Variants in CDH18 observed in about 807,000 individuals in gnomAD.
CDH18 encodes the protein cadherin-18.
CDH18 carries 31 observed loss-of-function variants against 67.9 expected under a neutral mutation model. The ratio of observed to expected loss-of-function variants is 0.46; its 90% CI spans 0.34 to 0.62. CDH18 has a LOEUF of 0.62. Ranked by LOEUF, CDH18 falls within the 20% of genes least tolerant of loss-of-function variation. The probability of loss-of-function intolerance (pLI) is 0.01; values close to 1 mark genes in which losing one functional copy is unlikely to be tolerated. For missense variants in CDH18, 890 were observed against 975.5 expected (o/e 0.91, Z 1.17); for synonymous variants, 362 against 347.2 (o/e 1.04, Z -0.48).
chr5:20,501,078 C>T (rs1581115408), intron 1 of CDH18, among the ~76,000 whole-genome samples: 1 of 152,074 alleles, frequency 6.6e-6, no homozygotes, highest in East Asian at 1.9e-4. Flanking sequence ...TAAATGTGAG[C>T]ATGACATCAC....
intron 5 of CDH18, among the ~76,000 whole-genome samples, chr5:19,716,879 TAA>T (rs1380428341): frequency 1.3e-5 from 2 of 152,034 alleles, no homozygotes; most frequent in Non-Finnish European, 2.9e-5. Flanking sequence ...ATTCTTACAT[TAA>T]GATATGTAAA....
At chr5:19,762,348 C>CA (rs1418736224) in intron 3 of CDH18, among the ~76,000 whole-genome samples, 2 of 152,104 alleles carry the variant, frequency 1.3e-5, no homozygotes, top group East Asian at 3.9e-4. Context: ...CCTCATCTGT[C>CA]AAAGGGCTAA....
At chr5:19,751,949 AC>A (rs773604492) in intron 3 of CDH18, among the ~76,000 whole-genome samples, 56 of 152,202 alleles carry the variant, frequency 3.7e-4, no homozygotes, top group Admixed American at 1.8e-3. Context: ...GTACTCGCAG[AC>A]CCTCTGAAGG....
At chr5:20,152,068 G>C (rs983364975) in intron 2 of CDH18, among the ~76,000 whole-genome samples, 1 of 147,350 alleles carries the variant, frequency 6.8e-6, no homozygotes, top group Non-Finnish European at 1.5e-5. Flanking sequence ...TTGGGTAAGA[G>C]AGCAATTATA....
At chr5:19,927,748 A>T (rs1000556126) in intron 2 of CDH18, among the ~76,000 whole-genome samples, 2 of 152,162 alleles carry the variant, frequency 1.3e-5, no homozygotes, top group African/African-American at 4.8e-5. Context: ...AATATGTGTC[A>T]GAAAAAACCT....
intron 1 of CDH18, among the ~76,000 whole-genome samples, chr5:20,326,937 A>T (rs978134615): frequency 1.3e-5 from 2 of 152,180 alleles, no homozygotes; most frequent in African/African-American, 4.8e-5. Context: ...ACTTTCTGTA[A>T]ATGACAGAGA....
At chr5:20,074,517 G>A (rs1047451808) in intron 2 of CDH18, among the ~76,000 whole-genome samples, 12 of 152,072 alleles carry the variant, frequency 7.9e-5, no homozygotes, top group African/African-American at 2.7e-4. Context: ...CAAATTAACA[G>A]ATCAAAAATA....
In CDH18 at chr5:19,846,966, C is replaced by A. The variant is rs114618051; in HGVS notation, c.-256-7724G>T. 3.2e-3 allele frequency among the ~76,000 whole-genome samples: 483 copies of A among 151,936 alleles called. 2 individuals are homozygous for A. Among genetic ancestry groups the A allele is most frequent in the African/African-American group, 0.011 (459 of 41,450 alleles). On this transcript the variant is annotated intron_variant, in intron 2 of 12. Transcript: ENST00000382275. ...CTTTTAATATATTATCCTGTCACTTCTGGCCTTTATGATTTCTGCTTAGAA... is the reference window on the plus strand; with the variant it reads ...CTTTTAATATATTATCCTGTCACTTATGGCCTTTATGATTTCTGCTTAGAA...
intron 2 of CDH18, among the ~76,000 whole-genome samples, chr5:20,032,566 T>A (rs1408817788): frequency 2.6e-5 from 4 of 152,074 alleles, no homozygotes; most frequent in Non-Finnish European, 5.9e-5. Flanking sequence ...TGCTGCCTTA[T>A]TACTTTTAAT....
At chr5:20,163,358 G>A (rs1420645774) in intron 2 of CDH18, among the ~76,000 whole-genome samples, 1 of 152,016 alleles carries the variant, frequency 6.6e-6, no homozygotes, top group Non-Finnish European at 1.5e-5. Flanking sequence ...TCATTTCATA[G>A]TTTATTCAGA....
intron 2 of CDH18, among the ~76,000 whole-genome samples, chr5:19,949,972 G>GAT (rs58811876): frequency 1.5e-3 from 223 of 148,806 alleles, no homozygotes; most frequent in Middle Eastern, 3.5e-3. Flanking sequence ...AAGAAAATAT[G>GAT]ATATATATAT....
intron 5 of CDH18, among the ~76,000 whole-genome samples, chr5:19,629,881 T>A (rs968793174): frequency 5.3e-5 from 8 of 151,898 alleles, no homozygotes; most frequent in Non-Finnish European, 1.2e-4. Context: ...AAGAAAAAAA[T>A]TTGTAGAAGA....
At chr5:20,055,325 G>A (rs762684407) in intron 2 of CDH18, among the ~76,000 whole-genome samples, 10 of 152,154 alleles carry the variant, frequency 6.6e-5, no homozygotes, top group African/African-American at 1.2e-4. Flanking sequence ...TTTGGCAGCC[G>A]TGCAAACTAA....
intron 1 of CDH18, among the ~76,000 whole-genome samples, chr5:20,472,935 G>A (rs1752188206): frequency 6.6e-6 from 1 of 152,098 alleles, no homozygotes; most frequent in African/African-American, 2.4e-5. Context: ...TATTTTAAAA[G>A]TAGTAATGGC....
Position 20,308,079 on chromosome 5 carries a change from C to CTTTTTTT in CDH18, c.-579-52581_-579-52575dup, listed in dbSNP as rs759117114. Among the ~76,000 whole-genome samples, 13 of 85,428 alleles carry CTTTTTTT rather than the reference C, an allele frequency of 1.5e-4. 1 individual carries two copies. Among genetic ancestry groups the CTTTTTTT allele is most frequent in the African/African-American group, 4.9e-4 (9 of 18,432 alleles). The allele number at this position is 85,428 out of a possible 152,430, so 56.0% of individuals were successfully genotyped here. Reference sequence around the variant, plus strand: ...TTATTTGCCTCTTTGAATACTACTGCTTTTTTTTTTTTTTTTTTTTTTTTT... The same window carrying CTTTTTTT: ...TTATTTGCCTCTTTGAATACTACTGCTTTTTTTTTTTTTTTTTTTTTTTTTTTTTTTT... On this transcript the variant is annotated intron_variant, in intron 1 of 14. Coordinates refer to the CDH18 transcript ENST00000507958.
intron 1 of CDH18, among the ~76,000 whole-genome samples, chr5:20,508,304 C>A (rs1754774189): frequency 7.5e-6 from 1 of 133,610 alleles, no homozygotes; most frequent in Admixed American, 8.0e-5. Flanking sequence ...TAACACCTTA[C>A]ATAGTTTTAT....
chr5:19,922,008 T>C (rs574307042), intron 2 of CDH18, among the ~76,000 whole-genome samples: 2 of 152,122 alleles, frequency 1.3e-5, no homozygotes, highest in Non-Finnish European at 2.9e-5. Flanking sequence ...GTTTTACTAA[T>C]GGAGAAAGTT....
At chr5:20,191,385 A>AC (rs1738526406) in intron 2 of CDH18, among the ~76,000 whole-genome samples, 1 of 151,738 alleles carries the variant, frequency 6.6e-6, no homozygotes, top group Non-Finnish European at 1.5e-5. Context: ...TATTTCTGTC[A>AC]TTTTTTCCTC....
intron 2 of CDH18, among the ~76,000 whole-genome samples, chr5:19,948,709 A>ATT (rs1795506986): frequency 6.6e-6 from 1 of 152,162 alleles, no homozygotes; most frequent in African/African-American, 2.4e-5. Context: ...AGCTTCGTAG[A>ATT]TTGTACAAGT....
Sources: allele counts gnomAD v4.1 joint callset (sites outside exome capture counted in the v4.1 genomes callset), GRCh38; gene constraint gnomAD v4.1.1; transcripts MANE v1.5; gene names NCBI Gene and HGNC (gene_info 2026-07-23, HGNC 2026-07-21).